The following CHD6 variants were observed in gnomAD, a reference collection of about 807,000 sequenced individuals.
CHD6 encodes the protein chromodomain helicase DNA binding protein 6.
A neutral mutation model predicts 276.9 loss-of-function variants in CHD6; 50 were observed. That is an observed-to-expected ratio of 0.18 (90% CI 0.14 to 0.23). The LOEUF (loss-of-function observed/expected upper bound fraction) is 0.23. CHD6 is among the 10% of genes least tolerant of loss of function. CHD6 has a pLI of 1.00. For missense variants in CHD6, 2,564 were observed against 3,365.8 expected (o/e 0.76, Z 5.89); for synonymous variants, 1,173 against 1,229.3 (o/e 0.95, Z 0.96).
At chr20:41,479,518 G>T (rs1238761786) in intron 16 of CHD6, among the ~76,000 whole-genome samples, 1 of 152,024 alleles carries the variant, frequency 6.6e-6, no homozygotes, top group African/African-American at 2.4e-5. Context: ...ACACTGTAAA[G>T]AGCTGGAGGG....
intron 10 of CHD6, 99 bp downstream of exon 10, chr20:41,493,439 A>T (rs898486160): frequency 8.1e-7 from 1 of 1,237,924 alleles, no homozygotes; most frequent in Middle Eastern, 2.8e-4. Flanking sequence ...AAAATACCAC[A>T]GAAACCACCT....
intron 1 of CHD6, among the ~76,000 whole-genome samples, chr20:41,554,566 T>C (rs918059209): frequency 6.6e-6 from 1 of 151,230 alleles, no homozygotes; most frequent in Non-Finnish European, 1.5e-5. Context: ...TCCCTGGGTA[T>C]TTGAGATTAG....
At position 41,484,625 on chromosome 20, in the gene CHD6, A is replaced by ACCTG. The variant is rs2043368986; in HGVS notation, c.2002-19_2002-18insCAGG. 6.2e-6 allele frequency: 10 copies of ACCTG among 1,612,538 alleles called. No homozygotes were observed. The African/African-American group carries it at 6.7e-5, about 11-fold the overall frequency. ...TTCTTTACCTGTCCAGGGAAATGAG[A>ACCTG]CCTAGTTACCTGCCTCAATCCCAAG... is the stretch of plus-strand genomic sequence containing the variant. On this transcript the variant is annotated intron_variant, in intron 14 of 36. Coordinates refer to ENST00000373233, the MANE Select transcript of CHD6 (RefSeq NM_032221.5).
intron 28 of CHD6, 38 bp from the exon 29 acceptor site, chr20:41,425,432 G>C: frequency 6.4e-7 from 1 of 1,556,272 alleles, no homozygotes; most frequent in Middle Eastern, 2.1e-4. Flanking sequence ...TTTACAAACA[G>C]AACTAAAACA....
chr20:41,425,287 G>T lies in CHD6; in HGVS notation c.4237C>A (p.Leu1413Met), dbSNP rs1211213970. Residue 1413 changes from leucine to methionine, a missense_variant, in exon 29 of 37, where the codon CTG (leucine) becomes ATG (methionine). This residue lies in a region of CHD6 where 515 missense variants were observed against 739.5 expected (regional missense o/e 0.70). Coordinates refer to ENST00000373233, the MANE Select transcript of CHD6 (RefSeq NM_032221.5). ...GGTCCCAGAATTTCAGGCCGGCACA[G>T]TTCCTTGCGGTTGCAGCGCTGGTAA... ...TVYQRCNRKE[L>M]CRPEILGPGN... 12 of 1,614,068 alleles carry T rather than the reference G, an allele frequency of 7.4e-6. No homozygotes were observed. Among genetic ancestry groups the T allele is most frequent in the Non-Finnish European group, 8.5e-6 (10 of 1,180,034 alleles).
chr20:41,495,301 T>C (rs2043657054), intron 8 of CHD6, among the ~76,000 whole-genome samples: 1 of 152,198 alleles, frequency 6.6e-6, no homozygotes, highest in Admixed American at 6.5e-5. Context: ...AATCCCATCA[T>C]TTGCAACAAC....
chr20:41,514,735 C>T, intron 4 of CHD6, 70 bp downstream of exon 4: 6 of 1,542,456 alleles, frequency 3.9e-6, no homozygotes, highest in South Asian at 1.2e-5. Flanking sequence ...AGAGGAGCAA[C>T]ACGATCAGTG....
At chr20:41,618,071 A>G (rs1484845150) in intron 1 of CHD6, among the ~76,000 whole-genome samples, 3 of 148,586 alleles carry the variant, frequency 2.0e-5, no homozygotes, top group African/African-American at 7.3e-5. Context: ...GGCCCGAGCG[A>G]AAGCGGGAGC....
intron 30 of CHD6, among the ~76,000 whole-genome samples, 191 bp from the exon 31 acceptor site, chr20:41,422,270 C>T (rs1005641445): frequency 6.6e-6 from 1 of 152,046 alleles, no homozygotes; most frequent in Non-Finnish European, 1.5e-5. Context: ...CAAGGACAGA[C>T]CCAAAGGGTG....
At chr20:41,444,200 C>T (rs1569084011) in intron 25 of CHD6, among the ~76,000 whole-genome samples, 1 of 152,184 alleles carries the variant, frequency 6.6e-6, no homozygotes, top group African/African-American at 2.4e-5. Flanking sequence ...GGTTGCACTG[C>T]GGTACCTTGT....
Position 41,421,891 on chromosome 20 carries a change from G to C in CHD6, c.4744C>G (p.Arg1582Gly). Residue 1582 changes from arginine to glycine, a missense_variant, in exon 31 of 37, where the codon CGA becomes GGA. By Grantham distance (125) the Arg-to-Gly change is moderately radical. This residue lies in a region of CHD6 where 515 missense variants were observed against 739.5 expected (regional missense o/e 0.70). Coordinates refer to ENST00000373233, the MANE Select transcript of CHD6 (RefSeq NM_032221.5). Reference sequence around the variant, plus strand: ...TTGGCAGTGCCGATGAGCAGGTCTCGATCATGCTTCCCACACTCCCACCAG... The same window carrying C: ...TTGGCAGTGCCGATGAGCAGGTCTCCATCATGCTTCCCACACTCCCACCAG... The part of the protein sequence containing the change: ...PVWWECGKHD[R>G]DLLIGTAKHG... The C allele has an allele frequency of 6.2e-7, 1 of 1,614,126 alleles. No homozygotes were observed. Among genetic ancestry groups the C allele is most frequent in the Non-Finnish European group, 8.5e-7 (1 of 1,179,996 alleles).
intron 17 of CHD6, among the ~76,000 whole-genome samples, chr20:41,472,250 A>G (rs79689183): frequency 7.3e-6 from 1 of 137,840 alleles, no homozygotes; most frequent in Non-Finnish European, 1.6e-5. Context: ...TCAAAAAAAA[A>G]AAAAAAAGAA....
Position 41,417,362 on chromosome 20 carries a change from TA to T in CHD6, c.6128-14del, listed in dbSNP as rs758292465. 6.2e-7 allele frequency: 1 copy of T among 1,607,670 alleles called. No homozygotes were observed. Among genetic ancestry groups the T allele is most frequent in the Non-Finnish European group, 8.5e-7 (1 of 1,178,066 alleles). On this transcript the variant is annotated splice_polypyrimidine_tract_variant and intron_variant, in intron 31 of 36. Coordinates refer to ENST00000373233, the MANE Select transcript of CHD6 (RefSeq NM_032221.5). Reference sequence around the variant, plus strand: ...TTCCCTGGATAATCTGGGAAGAGGTTAAAAAATTAATCAGGCACTTAACTAT... The same window carrying T: ...TTCCCTGGATAATCTGGGAAGAGGTTAAAAATTAATCAGGCACTTAACTAT...
intron 27 of CHD6, among the ~76,000 whole-genome samples, chr20:41,426,754 G>C (rs1265179648): frequency 6.6e-6 from 1 of 152,180 alleles, no homozygotes; most frequent in Non-Finnish European, 1.5e-5. Context: ...GCTTGCCCAA[G>C]TCGGTGTATG....
At chr20:41,486,850 T>C (rs1600984791) in intron 14 of CHD6, among the ~76,000 whole-genome samples, 1 of 152,296 alleles carries the variant, frequency 6.6e-6, no homozygotes, top group Admixed American at 6.5e-5. Flanking sequence ...TGCTGGGTTT[T>C]TTTTTTTCTA....
chr20:41,534,585 C>T (rs1182348157), intron 2 of CHD6, among the ~76,000 whole-genome samples: 21 of 135,236 alleles, frequency 1.6e-4, no homozygotes, highest in African/African-American at 5.4e-4. Flanking sequence ...TTTGGGGGGG[C>T]GGGGGGCAGA....
intron 31 of CHD6, among the ~76,000 whole-genome samples, chr20:41,420,277 G>A (rs1323119157): frequency 6.6e-6 from 1 of 152,110 alleles, no homozygotes; most frequent in African/African-American, 2.4e-5. Context: ...CAAATTATAT[G>A]AGTGAGGCAG....
chr20:41,430,130 CTATG>C (rs2047489587), intron 27 of CHD6, among the ~76,000 whole-genome samples: 1 of 152,310 alleles, frequency 6.6e-6, no homozygotes, highest in African/African-American at 2.4e-5. Flanking sequence ...GGCCATCCCT[CTATG>C]TGTGTGTGGT....
chr20:41,560,710 A>G (rs1020938507), intron 1 of CHD6, among the ~76,000 whole-genome samples: 3 of 151,888 alleles, frequency 2.0e-5, no homozygotes, highest in African/African-American at 7.2e-5. Flanking sequence ...ACTACTTTCA[A>G]TGTAACTAGT....
Sources: gnomAD v4.1 joint callset for allele counts (sites outside exome capture counted in the v4.1 genomes callset) on GRCh38, gnomAD v4.1.1 for gene constraint, gnomAD v4.1.1 regional missense constraint, MANE v1.5 for transcripts, NCBI Gene and HGNC (gene_info 2026-07-23, HGNC 2026-07-21) for gene names.